Variants in TUBB4A observed in about 807,000 individuals in gnomAD.
TUBB4A encodes tubulin beta 4A class IVa, also known as tubulin beta-4A chain.
Under a neutral mutation model 35.1 loss-of-function variants are expected in TUBB4A, and 13 were observed. The ratio of observed to expected loss-of-function variants is 0.37; its 90% CI spans 0.24 to 0.59. The LOEUF (loss-of-function observed/expected upper bound fraction) is 0.59. Among genes scored for constraint, TUBB4A ranks in the 20% least tolerant of loss-of-function variants. TUBB4A has a pLI of 0.71. For missense variants in TUBB4A, 299 were observed against 647.2 expected, an observed-to-expected ratio of 0.46 and a Z score of 5.84; for synonymous variants, 279 against 272.4, an observed-to-expected ratio of 1.02 and a Z score of -0.24.
Position 6,501,896 on chromosome 19 carries a change from A to T in TUBB4A, c.57+260T>A, listed in dbSNP as rs1167954105. The T allele has an allele frequency of 3.4e-6, 2 of 585,304 alleles. No homozygotes were observed. The highest frequency in any genetic ancestry group is 3.8e-5 in the African/African-American group (2 of 53,156). The allele number at this position is 585,304 out of a possible 1,614,324, so 36.3% of individuals were successfully genotyped here. A position where few individuals can be genotyped will look rare whatever the true frequency, so the allele number is the denominator to read the frequency against. On this transcript the variant is annotated intron_variant, in intron 1 of 3. Transcript: ENST00000264071. The surrounding 1 kb of genome is among the most constrained non-coding windows in gnomAD (Gnocchi z 4.2). ...GCACCGGGGCTCTTTGTGCGTGAGG[A>T]GGGGACAGTGGCCCAGCTGTGGGCC...
intron 3 of TUBB4A, among the ~76,000 whole-genome samples, chr19:6,496,765 T>G (rs28483969): frequency 0.4 from 59,537 of 148,702 alleles, 12,754 homozygotes; most frequent in Admixed American, 0.46. Context: ...AGGCTGCAGG[T>G]AGCCAAGATT....
chr19:6,502,450 C>T (rs1183977153), upstream of TUBB4A: 4 of 487,392 alleles, frequency 8.2e-6, no homozygotes, highest in Non-Finnish European at 1.1e-5. Context: ...GGACCTCCCT[C>T]CCCAGGGGGC....
In TUBB4A at chr19:6,494,799, T is replaced by C. The variant is rs1028460213; in HGVS notation, c.*365A>G. The C allele has an allele frequency of 2.2e-5, 7 of 313,680 alleles. No homozygotes were observed. The highest frequency in any genetic ancestry group is 1.1e-4 in the African/African-American group (5 of 46,844). The allele number at this position is 313,680 out of a possible 1,614,324, so 19.4% of individuals were successfully genotyped here. A position where few individuals can be genotyped will look rare whatever the true frequency, so the allele number is the denominator to read the frequency against. On this transcript the variant is annotated 3_prime_UTR_variant, in exon 4 of 4. Transcript: ENST00000264071. ...GGGGTCAAACATAAACCAGAACTTA[T>C]AGGTCTAGAGGTAAAATGGGATTCA... is the stretch of plus-strand genomic sequence containing the variant.
Position 6,501,728 on chromosome 19 carries a change from AGCAAGGTGAACGGGGGACCTAGAG to A in TUBB4A, c.58-129_58-106del, listed in dbSNP as rs1803739646. 1 of 896,840 alleles carries A rather than the reference AGCAAGGTGAACGGGGGACCTAGAG, an allele frequency of 1.1e-6. No homozygotes were observed. The highest frequency in any genetic ancestry group is 2.2e-5 in the Admixed American group (1 of 44,708). The allele number at this position is 896,840 out of a possible 1,614,324, so 55.6% of individuals were successfully genotyped here. A position where few individuals can be genotyped will look rare whatever the true frequency, so the allele number is the denominator to read the frequency against. On this transcript the variant is annotated intron_variant, in intron 1 of 3. Coordinates refer to ENST00000264071, the MANE Select transcript of TUBB4A (RefSeq NM_006087.4). This position sits in a 1 kb window ranked among gnomAD's most constrained non-coding sequence, Gnocchi z 4.2. The stretch of plus-strand genomic sequence containing the variant: ...GCTCCCTAGCTGCCACCTCTCCCCC[AGCAAGGTGAACGGGGGACCTAGAG>A]GCATGGTGTCGGGGCGAGGATGAGG...
intron 3 of TUBB4A, among the ~76,000 whole-genome samples, chr19:6,499,273 T>G (rs547674619): frequency 6.7e-6 from 1 of 149,914 alleles, no homozygotes; most frequent in African/African-American, 2.5e-5. Flanking sequence ...GTCACTGCAC[T>G]CCAGCCTGGG....
intron 3 of TUBB4A, among the ~76,000 whole-genome samples, chr19:6,497,867 C>T (rs1260564052): frequency 7.5e-6 from 1 of 133,520 alleles, no homozygotes; most frequent in African/African-American, 2.9e-5. Context: ...TGCCACTGCA[C>T]TCCAGCCTGG....
chr19:6,502,185 C>G lies in TUBB4A; in HGVS notation c.28G>C (p.Gly10Arg). 6.3e-7 allele frequency: 1 copy of G among 1,575,614 alleles called. No individual in the cohort carries two copies. The highest frequency in any genetic ancestry group is 8.6e-7 in the Non-Finnish European group (1 of 1,168,866). The stretch of plus-strand genomic sequence containing the variant: ...GCCCCGATCTGGTTGCCGCACTGGC[C>G]GGCCTGCAGGTGCACGATCTCCCGC... Reference protein sequence around the residue: MREIVHLQAGQCGNQIGAKF... With the variant: MREIVHLQARQCGNQIGAKF... The change falls in exon 1 of 4, where the codon GGC (glycine) becomes CGC (arginine). Residue 10 changes from glycine to arginine, a missense_variant. Physicochemically the swap from Gly to Arg is moderately radical, Grantham distance 125 (BLOSUM62 -2). This residue lies in a region of TUBB4A where 123 missense variants were observed against 226.0 expected (regional missense o/e 0.54). Coordinates refer to ENST00000264071, the MANE Select transcript of TUBB4A (RefSeq NM_006087.4).
chr19:6,501,663 G>A lies in TUBB4A; in HGVS notation c.58-40C>T. The A allele has an allele frequency of 6.4e-7, 1 of 1,572,684 alleles. No individual in the cohort carries two copies. On this transcript the variant is annotated intron_variant, in intron 1 of 3. Coordinates refer to ENST00000264071, the MANE Select transcript of TUBB4A (RefSeq NM_006087.4). This position sits in a 1 kb window ranked among gnomAD's most constrained non-coding sequence, Gnocchi z 4.2. ...GGTCGGAAGAGTTGAGAGAGGGGAA[G>A]CCGGTGGCCAAGCCGAGGACTGCCC...
In TUBB4A at chr19:6,495,182, C is replaced by T. The variant is rs201070507; in HGVS notation, c.1317G>A (p.Ala439=). 72 of 1,613,726 alleles carry T rather than the reference C, an allele frequency of 4.5e-5. No homozygotes were observed. The highest frequency in any genetic ancestry group is 6.7e-5 in the East Asian group (3 of 44,880). ...TAEEGEFEEE[A]EEEVA ...GAGCAGCCTAGGCCACCTCCTCCTC[C>T]GCCTCCTCCTCGAACTCGCCCTCCT... The change falls in exon 4 of 4, where the codon GCG becomes GCA. Residue 439 remains alanine (A), a synonymous_variant. Transcript: ENST00000264071. The surrounding 1 kb of genome is among the most constrained non-coding windows in gnomAD (Gnocchi z 8.7).
rs553545579 is a variant in TUBB4A at position 6,502,301 on chromosome 19, G to A, written c.-89C>T. 3.6e-6 allele frequency: 5 copies of A among 1,388,438 alleles called. No homozygotes were observed. The African/African-American group carries it at 6.1e-5, about 17-fold the overall frequency. The allele number at this position is 1,388,438 out of a possible 1,614,324, so 86.0% of individuals were successfully genotyped here. A position where few individuals can be genotyped will look rare whatever the true frequency, so the allele number is the denominator to read the frequency against. ...GAGGGTGGAAGATGCGGCGGAGACG[G>A]CGGAGCACGGTCCCTGCGCCCCCGG... On this transcript the variant is annotated 5_prime_UTR_variant, in exon 1 of 4. Coordinates refer to ENST00000264071, the MANE Select transcript of TUBB4A (RefSeq NM_006087.4).
chr19:6,502,167 T>C lies in TUBB4A; in HGVS notation c.46A>G (p.Ile16Val). ...HLQAGQCGNQ[I>V]GAKFWEVISD... The stretch of plus-strand genomic sequence containing the variant: ...CGTTCCCCGAGCACCTTGGCCCCGA[T>C]CTGGTTGCCGCACTGGCCGGCCTGC... Residue 16 changes from isoleucine (I) to valine (V), a missense_variant, in exon 1 of 4, where the codon ATC (isoleucine) becomes GTC (valine). Ile to Val is a conservative substitution (Grantham distance 29, BLOSUM62 3). This residue lies in a region of TUBB4A where 123 missense variants were observed against 226.0 expected (regional missense o/e 0.54). Coordinates refer to ENST00000264071, the MANE Select transcript of TUBB4A (RefSeq NM_006087.4). The C allele has an allele frequency of 6.3e-7, 1 of 1,576,698 alleles. No homozygotes were observed.
At chr19:6,502,374 C>T (rs1914583884), upstream of TUBB4A, 1 of 729,792 alleles carries the variant, frequency 1.4e-6, no homozygotes, top group East Asian at 3.4e-5. Flanking sequence ...CGGTCACCCT[C>T]CCGCTCCGCC....
Position 6,495,362 on chromosome 19 carries a change from C to G in TUBB4A, c.1137G>C (p.Lys379Asn), listed in dbSNP as rs1001178554. The G allele has an allele frequency of 1.2e-5, 19 of 1,613,706 alleles. No homozygotes were observed. The highest frequency in any genetic ancestry group is 1.6e-5 in the Non-Finnish European group (19 of 1,179,994). The change falls in exon 4 of 4, where the codon AAG (lysine) becomes AAC (asparagine). Residue 379 changes from lysine to asparagine, a missense_variant. Lys to Asn is a moderately conservative substitution (Grantham distance 94, BLOSUM62 0). Transcript: ENST00000264071. The surrounding 1 kb of genome is among the most constrained non-coding windows in gnomAD (Gnocchi z 8.7). Reference sequence around the variant, plus strand: ...TGGCCGTGAACTGCTCGGAGATGCGCTTGAACAGCTCCTGGATGGCCGTGC... The same window carrying G: ...TGGCCGTGAACTGCTCGGAGATGCGGTTGAACAGCTCCTGGATGGCCGTGC... ...GNSTAIQELFKRISEQFTAMF... is the reference protein window; with the variant it reads ...GNSTAIQELFNRISEQFTAMF...
In TUBB4A at chr19:6,495,145, G is replaced by C. The variant is rs913076203; in HGVS notation, c.*19C>G. ...GGTCAGAAGCCTCGAGGGGACAGGT[G>C]GGAAGCGATGGGAGCAGCCTAGGCC... is the stretch of plus-strand genomic sequence containing the variant. On this transcript the variant is annotated 3_prime_UTR_variant, in exon 4 of 4. Coordinates refer to ENST00000264071, the MANE Select transcript of TUBB4A (RefSeq NM_006087.4). This position sits in a 1 kb window ranked among gnomAD's most constrained non-coding sequence, Gnocchi z 8.7. 20 of 1,612,392 alleles carry C rather than the reference G, an allele frequency of 1.2e-5. No individual in the cohort carries two copies. The African/African-American group carries it at 1.5e-4, about 12-fold the overall frequency.
In TUBB4A at chr19:6,501,901, A is replaced by G. The variant is rs1055486476; in HGVS notation, c.57+255T>C. ...GGGGCTCTTTGTGCGTGAGGAGGGG[A>G]CAGTGGCCCAGCTGTGGGCCCAGCT... On this transcript the variant is annotated intron_variant, in intron 1 of 3. Coordinates refer to ENST00000264071, the MANE Select transcript of TUBB4A (RefSeq NM_006087.4). The surrounding 1 kb of genome is among the most constrained non-coding windows in gnomAD (Gnocchi z 4.2). The G allele has an allele frequency of 1.0e-5, 6 of 584,440 alleles. No individual in the cohort carries two copies. Among genetic ancestry groups the G allele is most frequent in the Non-Finnish European group, 1.8e-5 (6 of 331,986 alleles). 36.2% of individuals were successfully genotyped at this position (584,440 alleles called of 1,614,324 possible).
intron 3 of TUBB4A, among the ~76,000 whole-genome samples, chr19:6,498,739 C>T (rs1914393315): frequency 6.6e-6 from 1 of 152,256 alleles, no homozygotes. Context: ...CCCCCTCCCT[C>T]CTCCTCCCGA....
rs1272950423 is a variant in TUBB4A, at chr19:6,495,153, A to T, written c.*11T>A. 6.2e-7 allele frequency: 1 copy of T among 1,612,826 alleles called. No homozygotes were observed. The highest frequency in any genetic ancestry group is 2.2e-5 in the East Asian group (1 of 44,856). On this transcript the variant is annotated 3_prime_UTR_variant, in exon 4 of 4. Coordinates refer to ENST00000264071, the MANE Select transcript of TUBB4A (RefSeq NM_006087.4). The surrounding 1 kb of genome is among the most constrained non-coding windows in gnomAD (Gnocchi z 8.7). ...GCCTCGAGGGGACAGGTGGGAAGCG[A>T]TGGGAGCAGCCTAGGCCACCTCCTC...
At chr19:6,498,614 C>T (rs1914383779) in intron 3 of TUBB4A, among the ~76,000 whole-genome samples, 1 of 152,234 alleles carries the variant, frequency 6.6e-6, no homozygotes, top group South Asian at 2.1e-4. Context: ...GGGGCCTTTG[C>T]ACTAGTGGCT....
In TUBB4A at chr19:6,502,283, G is replaced by A. The variant is rs1325450131; in HGVS notation, c.-71C>T. On this transcript the variant is annotated 5_prime_UTR_variant, in exon 1 of 4. Transcript: ENST00000264071. ...GGGAGCTGCGGCGGCGGCGAGGGTG[G>A]AAGATGCGGCGGAGACGGCGGAGCA... is the stretch of plus-strand genomic sequence containing the variant. The A allele has an allele frequency of 6.9e-7, 1 of 1,449,336 alleles. No homozygotes were observed. Among genetic ancestry groups the A allele is most frequent in the Non-Finnish European group, 9.0e-7 (1 of 1,106,136 alleles). 89.8% of individuals were successfully genotyped at this position (1,449,336 alleles called of 1,614,324 possible).
Sources: gnomAD v4.1 joint callset for allele counts (sites outside exome capture counted in the v4.1 genomes callset) on GRCh38, gnomAD v4.1.1 for gene constraint, gnomAD v4.1.1 regional missense constraint, Gnocchi (gnomAD v3.1) non-coding constraint, MANE v1.5 for transcripts, NCBI Gene and HGNC (gene_info 2026-07-23, HGNC 2026-07-21) for gene names.